ATP13A4: variants seen among roughly 807,000 people sequenced by gnomAD.
ATP13A4 encodes the protein probable cation-transporting ATPase 13A4.
In ATP13A4, 114 loss-of-function variants were observed where a neutral mutation model predicts 142.5. The ratio of observed to expected loss-of-function variants is 0.80; its 90% CI spans 0.69 to 0.93. The LOEUF (loss-of-function observed/expected upper bound fraction) is 0.93, where lower values mean the gene tolerates loss of function less well. Ranked by LOEUF, ATP13A4 falls within the 40% of genes least tolerant of loss-of-function variation. The pLI, the probability that ATP13A4 is intolerant of heterozygous loss-of-function variation, is 0.00. For missense variants in ATP13A4, 1,392 were observed against 1,454.0 expected (o/e 0.96, Z 0.69); for synonymous variants, 488 against 514.8 (o/e 0.95, Z 0.70).
intron 18 of ATP13A4, among the ~76,000 whole-genome samples, chr3:193,443,218 C>T (rs1027131076): frequency 2.0e-5 from 3 of 152,036 alleles, no homozygotes; most frequent in African/African-American, 4.8e-5. Context: ...AGGGCATGGG[C>T]GGAATCCTGG....
At chr3:193,486,987 C>T (rs1317078464) in intron 7 of ATP13A4, among the ~76,000 whole-genome samples, 2 of 152,102 alleles carry the variant, frequency 1.3e-5, no homozygotes, top group African/African-American at 2.4e-5. Context: ...TGTAAGCAGT[C>T]GGCCAAGTGG....
intron 25 of ATP13A4, among the ~76,000 whole-genome samples, chr3:193,427,987 A>G (rs1158480901): frequency 2.6e-5 from 4 of 152,202 alleles, no homozygotes; most frequent in East Asian, 1.9e-4. Context: ...AGAAACTACC[A>G]TTAGAGTGAA....
At chr3:193,439,947 T>C (rs1226152308) in intron 21 of ATP13A4, among the ~76,000 whole-genome samples, 1 of 152,070 alleles carries the variant, frequency 6.6e-6, no homozygotes, top group African/African-American at 2.4e-5. Context: ...ATGACCAAGA[T>C]GGAGAAAGCC....
chr3:193,472,025 A>G (rs1157651138), intron 8 of ATP13A4, among the ~76,000 whole-genome samples: 2 of 152,174 alleles, frequency 1.3e-5, no homozygotes, highest in Non-Finnish European at 2.9e-5. Context: ...GGACCCGAGC[A>G]AGGTGAAAAG....
chr3:193,485,924 CAA>C (rs11384516), intron 7 of ATP13A4, among the ~76,000 whole-genome samples: 3 of 132,558 alleles, frequency 2.3e-5, no homozygotes, highest in Admixed American at 7.4e-5. Context: ...GCTTATAAGC[CAA>C]AAAAAAAAAA....
intron 2 of ATP13A4, among the ~76,000 whole-genome samples, chr3:193,573,722 G>A (rs543765589): frequency 6.6e-6 from 1 of 152,262 alleles, no homozygotes; most frequent in South Asian, 2.1e-4. Context: ...TAGCTCAGCT[G>A]TGGAATTTTA....
At chr3:193,445,593 C>T (rs2108626545) in intron 18 of ATP13A4, among the ~76,000 whole-genome samples, 1 of 151,878 alleles carries the variant, frequency 6.6e-6, no homozygotes, top group Admixed American at 6.6e-5. Context: ...CCTATCTCTA[C>T]TAAAAATACA....
chr3:193,482,470 T>C (rs1223337838), intron 8 of ATP13A4, among the ~76,000 whole-genome samples: 1 of 152,052 alleles, frequency 6.6e-6, no homozygotes, highest in East Asian at 1.9e-4. Flanking sequence ...GTAAAGAGAA[T>C]GGGAAGGTAA....
At chr3:193,482,891 G>A (rs1192432079) in intron 8 of ATP13A4, among the ~76,000 whole-genome samples, 1 of 152,146 alleles carries the variant, frequency 6.6e-6, no homozygotes, top group East Asian at 1.9e-4. Flanking sequence ...TCTATAGCTA[G>A]GTATTTTCCC....
chr3:193,404,516 G>A (rs962385263), intron 29 of ATP13A4, among the ~76,000 whole-genome samples: 3 of 152,212 alleles, frequency 2.0e-5, no homozygotes, highest in Non-Finnish European at 4.4e-5. Context: ...CTGGATGGGA[G>A]GTGACTGGGT....
Position 193,467,303 on chromosome 3 carries a change from AG to A in ATP13A4, c.1114+12del, listed in dbSNP as rs770072401. The A allele has an allele frequency of 2.8e-5, 45 of 1,614,030 alleles. No homozygotes were observed. The African/African-American group carries it at 5.5e-4, about 20-fold the overall frequency. On this transcript the variant is annotated intron_variant, in intron 10 of 29. Coordinates refer to ENST00000342695, the MANE Select transcript of ATP13A4 (RefSeq NM_032279.4). Reference sequence around the variant, plus strand: ...TATACCATTAAAAATAAGAAAAAGGAGGGGATGCTAACCAGTCTGCAGTACC... The same window carrying A: ...TATACCATTAAAAATAAGAAAAAGGAGGGATGCTAACCAGTCTGCAGTACC...
At chr3:193,483,587 C>G (rs1366057727) in intron 8 of ATP13A4, among the ~76,000 whole-genome samples, 2 of 152,100 alleles carry the variant, frequency 1.3e-5, no homozygotes, top group Admixed American at 1.3e-4. Flanking sequence ...GCCTCAGCCT[C>G]CTGAATAGCT....
intron 1 of ATP13A4, among the ~76,000 whole-genome samples, chr3:193,530,294 T>C (rs780212634): frequency 2.0e-5 from 3 of 152,136 alleles, no homozygotes; most frequent in Non-Finnish European, 4.4e-5. Context: ...AAAAAAATTC[T>C]AGCAATCTTT....
chr3:193,504,192 A>G (rs1031549854), intron 2 of ATP13A4, among the ~76,000 whole-genome samples: 1 of 152,172 alleles, frequency 6.6e-6, no homozygotes, highest in Non-Finnish European at 1.5e-5. Flanking sequence ...ATCAATTCAA[A>G]TCAAATTGTA....
At chr3:193,573,308 C>CTTATATATATATATGTGTATATATATAT (rs1229145689) in intron 2 of ATP13A4, among the ~76,000 whole-genome samples, 1 of 103,674 alleles carries the variant, frequency 9.6e-6, no homozygotes, top group Non-Finnish European at 1.8e-5. Flanking sequence ...TATATATATA[C>CTTATATATATATATGTGTATATATATAT]ATATATATAT....
At position 193,411,029 on chromosome 3, in the gene ATP13A4, G is replaced by A; in HGVS notation, c.3250C>T (p.Leu1084=). The A allele has an allele frequency of 6.2e-7, 1 of 1,610,888 alleles. No individual in the cohort carries two copies. Among genetic ancestry groups the A allele is most frequent in the Non-Finnish European group, 8.5e-7 (1 of 1,177,416 alleles). Residue 1084 remains leucine, a synonymous_variant, in exon 28 of 30, where the codon CTA becomes TTA. Transcript: ENST00000342695. ...LVLIIQLGVC[L]FILFADIPEL... ...GGTATATCAGCAAATAGAATGAATA[G>A]ACATACACCAAGCTGTATTATCAGC...
At chr3:193,448,447 T>G (rs1400835083) in intron 17 of ATP13A4, 117 bp from the exon 18 acceptor site, 18 of 1,312,998 alleles carry the variant, frequency 1.4e-5, no homozygotes, top group Non-Finnish European at 1.9e-5. Flanking sequence ...GTCATTCTCC[T>G]GCCTCAGCTT....
At chr3:193,537,251 G>A (rs1368973141) in intron 1 of ATP13A4, among the ~76,000 whole-genome samples, 1 of 152,014 alleles carries the variant, frequency 6.6e-6, no homozygotes, top group Non-Finnish European at 1.5e-5. Context: ...TTGGCACATA[G>A]ACTAATGAAA....
chr3:193,589,959 CAAAAAA>C (rs35624117), intron 1 of ATP13A4, among the ~76,000 whole-genome samples: 1 of 83,914 alleles, frequency 1.2e-5, no homozygotes, highest in Non-Finnish European at 2.5e-5. Flanking sequence ...GTTCTTTTGC[CAAAAAA>C]AAAAAAAAAA....
Sources: allele counts gnomAD v4.1 joint callset (sites outside exome capture counted in the v4.1 genomes callset), GRCh38; gene constraint gnomAD v4.1.1; transcripts MANE v1.5; gene names NCBI Gene and HGNC (gene_info 2026-07-23, HGNC 2026-07-21).